CCDC138: variants seen among roughly 807,000 people sequenced by gnomAD.
The protein encoded by CCDC138 is coiled-coil domain containing 138, also known as coiled-coil domain-containing protein 138.
A neutral mutation model predicts 82.3 loss-of-function variants in CCDC138; 66 were observed. The ratio of observed to expected loss-of-function variants is 0.80; its 90% CI spans 0.66 to 0.98. CCDC138 has a LOEUF of 0.98. Among genes scored for constraint, CCDC138 ranks in the 50% least tolerant of loss-of-function variants. The pLI is 0.00. For synonymous variants in CCDC138, 297 were observed against 265.4 expected (o/e 1.12, Z -1.16); for missense variants, 816 against 758.9 (o/e 1.08, Z -0.88).
At chr2:108,856,429 A>G (rs538560395) in intron 12 of CCDC138, among the ~76,000 whole-genome samples, 13 of 152,352 alleles carry the variant, frequency 8.5e-5, no homozygotes, top group Non-Finnish European at 1.5e-4. Flanking sequence ...TTAGAAAGCT[A>G]TTATAGAGAT....
At position 108,871,474 on chromosome 2, in the gene CCDC138, C is replaced by T. The variant is rs146089666; in HGVS notation, c.1694-1977C>T. ...AGGCAAGGCAGGAGAATCCCTTGAA[C>T]CCAGAGGGAGGAGGCTTCAGTGAGC... On this transcript the variant is annotated intron_variant, in intron 13 of 14. Coordinates refer to ENST00000295124, the MANE Select transcript of CCDC138 (RefSeq NM_144978.3). Among the ~76,000 whole-genome samples, 14 of 151,950 alleles carry T rather than the reference C, an allele frequency of 9.2e-5. No homozygotes were observed. In the East Asian group the frequency reaches 2.7e-3, roughly 29 times the overall value.
chr2:108,878,277 A>G (rs1696169725), downstream of CCDC138: 1 of 162,848 alleles, frequency 6.1e-6, no homozygotes. Flanking sequence ...CTCCATCATC[A>G]TGATGTGTAC....
At position 108,786,789 on chromosome 2, in the gene CCDC138, G is replaced by A; in HGVS notation, c.-34G>A. On this transcript the variant is annotated 5_prime_UTR_variant, in exon 1 of 15. Transcript: ENST00000295124. ...TAGCGCCGCGGGTTTGATGAACGCG[G>A]TTCCCGGGGAGACTGGTACGGTTGC... 6.4e-7 allele frequency: 1 copy of A among 1,556,984 alleles called. No individual in the cohort carries two copies. Among genetic ancestry groups the A allele is most frequent in the Non-Finnish European group, 8.7e-7 (1 of 1,146,488 alleles).
intron 12 of CCDC138, among the ~76,000 whole-genome samples, chr2:108,848,696 A>G (rs1690910150): frequency 6.6e-6 from 1 of 152,236 alleles, no homozygotes; most frequent in African/African-American, 2.4e-5. Context: ...TATAACAAGT[A>G]AAACAGCAAC....
At chr2:108,788,236 T>C in intron 2 of CCDC138, 147 bp downstream of exon 2, 2 of 720,358 alleles carry the variant, frequency 2.8e-6, no homozygotes, top group South Asian at 4.0e-5. Flanking sequence ...CAGGCCAACA[T>C]AGTGAAATCC....
intron 10 of CCDC138, among the ~76,000 whole-genome samples, chr2:108,838,897 T>C (rs1689007838): frequency 6.6e-6 from 1 of 152,162 alleles, no homozygotes; most frequent in Non-Finnish European, 1.5e-5. Context: ...GTTACATATA[T>C]ACTATAAACT....
intron 13 of CCDC138, among the ~76,000 whole-genome samples, chr2:108,867,302 T>G (rs1419855978): frequency 1.3e-5 from 2 of 152,112 alleles, no homozygotes; most frequent in Non-Finnish European, 2.9e-5. Flanking sequence ...AACTGAGAGA[T>G]TCCAGAGTGG....
intron 13 of CCDC138, among the ~76,000 whole-genome samples, chr2:108,870,621 T>C (rs1695081316): frequency 6.6e-6 from 1 of 152,248 alleles, no homozygotes; most frequent in African/African-American, 2.4e-5. Context: ...AAATGTGGTA[T>C]GTACATACGG....
intron 12 of CCDC138, among the ~76,000 whole-genome samples, chr2:108,850,836 C>A (rs1354831291): frequency 6.6e-6 from 1 of 151,764 alleles, no homozygotes; most frequent in African/African-American, 2.4e-5. Flanking sequence ...CAATAATCAT[C>A]CACACAGAAG....
At position 108,808,425 on chromosome 2, in the gene CCDC138, G is replaced by A. The variant is rs867678739; in HGVS notation, c.855+3417G>A. Among the ~76,000 whole-genome samples, 10 of 152,172 alleles carry A rather than the reference G, an allele frequency of 6.6e-5. No individual in the cohort carries two copies. In the Middle Eastern group the frequency reaches 0.024, roughly 362 times the overall value. ...GGTAGTTGTGTTTTCGTTTTTTTGG[G>A]AACCTGAATACTTGTGTTTTTCGTA... On this transcript the variant is annotated intron_variant, in intron 7 of 14. Transcript: ENST00000295124.
At chr2:108,821,480 T>C (rs1487127566) in intron 10 of CCDC138, among the ~76,000 whole-genome samples, 1 of 152,150 alleles carries the variant, frequency 6.6e-6, no homozygotes, top group African/African-American at 2.4e-5. Context: ...AGATGTTTTA[T>C]GTAATTGATT....
At chr2:108,844,028 AT>A (rs1023574659) in intron 11 of CCDC138, among the ~76,000 whole-genome samples, 1 of 147,714 alleles carries the variant, frequency 6.8e-6, no homozygotes, top group Non-Finnish European at 1.5e-5. Context: ...TACCTGGTTA[AT>A]TTTTTTTTGT....
chr2:108,858,345 AAAACAAAC>A, intron 13 of CCDC138, among the ~76,000 whole-genome samples: 1 of 151,934 alleles, frequency 6.6e-6, no homozygotes, highest in Middle Eastern at 3.4e-3. Context: ...CTCCGTCTCA[AAAACAAAC>A]AAACAAACAA....
chr2:108,805,809 T>C (rs73952518), intron 7 of CCDC138, among the ~76,000 whole-genome samples: 2,000 of 152,304 alleles, frequency 0.013, 46 homozygotes, highest in African/African-American at 0.046. Flanking sequence ...GTCTATTTTT[T>C]TCCTTCCATC....
At chr2:108,843,547 A>G (rs538480031) in intron 11 of CCDC138, among the ~76,000 whole-genome samples, 1 of 152,296 alleles carries the variant, frequency 6.6e-6, no homozygotes, top group South Asian at 2.1e-4. Context: ...TTCACTGGGT[A>G]TCAGATTCTA....
rs1435125762 is a variant in CCDC138, at chr2:108,854,034, T to C, written c.1517-2760T>C. On this transcript the variant is annotated intron_variant, in intron 12 of 14. Transcript: ENST00000295124. ...TAATATATAATAAATTTATATTATA[T>C]ATAATATATAATAAATTTATATTAT... Among the ~76,000 whole-genome samples the C allele has an allele frequency of 3.7e-5, 4 of 108,270 alleles. No homozygotes were observed. The East Asian group carries it at 8.8e-4, about 24-fold the overall frequency. 71.0% of individuals were successfully genotyped at this position (108,270 alleles called of 152,430 possible).
intron 11 of CCDC138, 83 bp from the exon 12 acceptor site, chr2:108,846,655 C>T: frequency 8.1e-7 from 1 of 1,233,298 alleles, no homozygotes; most frequent in South Asian, 1.4e-5. Flanking sequence ...CCAACCTGGG[C>T]AACAGAGCAA....
intron 13 of CCDC138, among the ~76,000 whole-genome samples, chr2:108,867,432 T>C (rs1694588841): frequency 6.6e-6 from 1 of 152,192 alleles, no homozygotes; most frequent in Non-Finnish European, 1.5e-5. Flanking sequence ...GGTTCAAAAC[T>C]GGAAAAATGG....
At chr2:108,801,089 C>T (rs1176986554) in intron 6 of CCDC138, among the ~76,000 whole-genome samples, 10 of 40,628 alleles carry the variant, frequency 2.5e-4, no homozygotes, top group East Asian at 1.7e-3. Context: ...AATAAACATA[C>T]GTGTGCATGT....
Sources: gnomAD v4.1 joint callset for allele counts (sites outside exome capture counted in the v4.1 genomes callset) on GRCh38, gnomAD v4.1.1 for gene constraint, MANE v1.5 for transcripts, NCBI Gene and HGNC (gene_info 2026-07-23, HGNC 2026-07-21) for gene names.